The following EPM2A variants were observed in gnomAD, a reference collection of about 807,000 sequenced individuals.
The protein encoded by EPM2A is laforin.
In EPM2A, 21 loss-of-function variants were observed where a neutral mutation model predicts 26.5. The ratio of observed to expected loss-of-function variants is 0.79; its 90% CI spans 0.56 to 1.14. The LOEUF (loss-of-function observed/expected upper bound fraction) is 1.14. EPM2A is among the 50% of genes most tolerant of loss of function. The pLI is 0.00. For synonymous variants in EPM2A, 217 were observed against 177.6 expected, an observed-to-expected ratio of 1.22 and a Z score of -1.76; for missense variants, 458 against 440.8, an observed-to-expected ratio of 1.04 and a Z score of -0.35.
chr6:145,538,101 C>G (rs1780457989), intron 2 of EPM2A, among the ~76,000 whole-genome samples: 1 of 151,994 alleles, frequency 6.6e-6, no homozygotes. Flanking sequence ...GATTTATAAT[C>G]CTTTGGGTAT....
chr6:145,551,668 G>A (rs1203964981), intron 2 of EPM2A, among the ~76,000 whole-genome samples: 1 of 151,900 alleles, frequency 6.6e-6, no homozygotes, highest in African/African-American at 2.4e-5. Flanking sequence ...AGAAGAGACT[G>A]GCAGAAATAA....
At chr6:145,514,976 G>T (rs1357160254) in intron 2 of EPM2A, among the ~76,000 whole-genome samples, 1 of 152,138 alleles carries the variant, frequency 6.6e-6, no homozygotes, top group East Asian at 1.9e-4. Context: ...ACATTGCTGG[G>T]GAGCACTTGC....
At chr6:145,473,057 T>C (rs1044984268) in intron 4 of EPM2A, among the ~76,000 whole-genome samples, 5 of 151,550 alleles carry the variant, frequency 3.3e-5, no homozygotes, top group African/African-American at 1.2e-4. Context: ...ATGAACCAAA[T>C]AAGCACAAGG....
At chr6:145,610,022 C>G (rs1371369066) in intron 2 of EPM2A, among the ~76,000 whole-genome samples, 2 of 152,046 alleles carry the variant, frequency 1.3e-5, no homozygotes. Context: ...CAAGACCAGC[C>G]TGGCCAAGAT....
chr6:145,495,507 G>A (rs1779805654), intron 4 of EPM2A, among the ~76,000 whole-genome samples: 1 of 152,140 alleles, frequency 6.6e-6, no homozygotes, highest in African/African-American at 2.4e-5. Context: ...GTATTGTTAT[G>A]TGTGGATTTG....
At chr6:145,591,584 C>T (rs1314890281) in intron 2 of EPM2A, among the ~76,000 whole-genome samples, 5 of 152,110 alleles carry the variant, frequency 3.3e-5, no homozygotes, top group Non-Finnish European at 7.4e-5. Context: ...CAACTTAGAA[C>T]TCTACATTCA....
chr6:145,591,027 A>G (rs1156910752), intron 2 of EPM2A, among the ~76,000 whole-genome samples: 1 of 152,178 alleles, frequency 6.6e-6, no homozygotes, highest in African/African-American at 2.4e-5. Context: ...AAGCAGAGAG[A>G]TAAGAACTCT....
intron 2 of EPM2A, among the ~76,000 whole-genome samples, chr6:145,506,212 T>C (rs1779971833): frequency 6.6e-6 from 1 of 152,234 alleles, no homozygotes; most frequent in South Asian, 2.1e-4. Flanking sequence ...ATAATGTTTA[T>C]TTTTGTTTTT....
At chr6:145,653,189 A>T (rs1460856980) in intron 2 of EPM2A, among the ~76,000 whole-genome samples, 2 of 152,128 alleles carry the variant, frequency 1.3e-5, no homozygotes, top group African/African-American at 4.8e-5. Flanking sequence ...TGAAGGAGGG[A>T]CCTGTAATCC....
chr6:145,399,828 G>A (rs1334074540), intron 4 of EPM2A, among the ~76,000 whole-genome samples: 1 of 152,010 alleles, frequency 6.6e-6, no homozygotes, highest in African/African-American at 2.4e-5. Flanking sequence ...AACTACAGAC[G>A]CCCTCAATAA....
chr6:145,437,014 GA>G (rs1778997755), intron 4 of EPM2A, among the ~76,000 whole-genome samples: 1 of 151,954 alleles, frequency 6.6e-6, no homozygotes, highest in African/African-American at 2.4e-5. Context: ...CTTTTTTGCT[GA>G]AAAGACATTT....
chr6:145,686,051 T>A, intron 2 of EPM2A, 71 bp downstream of exon 2: 1 of 1,426,530 alleles, frequency 7.0e-7, no homozygotes, highest in Non-Finnish European at 9.9e-7. Flanking sequence ...TCGAACACAG[T>A]AAATATTTCC....
At chr6:145,610,345 A>G (rs1041306677) in intron 2 of EPM2A, among the ~76,000 whole-genome samples, 2 of 152,210 alleles carry the variant, frequency 1.3e-5, no homozygotes, top group Non-Finnish European at 1.5e-5. Context: ...TTGCTTCTTA[A>G]AAGAAGTCAA....
intron 1 of EPM2A, among the ~76,000 whole-genome samples, chr6:145,728,206 A>C (rs905084524): frequency 6.6e-6 from 1 of 152,214 alleles, no homozygotes; most frequent in African/African-American, 2.4e-5. Flanking sequence ...GCAAGAACTG[A>C]CTAATACAGA....
At chr6:145,548,207 G>A (rs1275627070) in intron 2 of EPM2A, among the ~76,000 whole-genome samples, 1 of 152,066 alleles carries the variant, frequency 6.6e-6, no homozygotes, top group Non-Finnish European at 1.5e-5. Flanking sequence ...CCACAAAGGC[G>A]CACTGACCTT....
At chr6:145,717,951 G>T (rs1288676071) in intron 1 of EPM2A, among the ~76,000 whole-genome samples, 1 of 151,570 alleles carries the variant, frequency 6.6e-6, no homozygotes, top group African/African-American at 2.4e-5. Flanking sequence ...ACAAACCACT[G>T]CTCAAGGAAA....
At chr6:145,491,230 G>A (rs1779750378) in intron 4 of EPM2A, 1 of 394,690 alleles carries the variant, frequency 2.5e-6, no homozygotes, top group South Asian at 2.1e-5. Flanking sequence ...GAACTGGTGT[G>A]CAGGGGCTGG....
chr6:145,489,698 G>T lies in EPM2A; in HGVS notation c.555+12824C>A. On this transcript the variant is annotated intron_variant, in intron 4 of 4. Coordinates refer to the EPM2A transcript ENST00000638717. ...TTTTCAGCTTCAGAATCCACTGTTGGCTTGCTCTCTAATCCTCAGCATCTT... is the reference window on the plus strand; with the variant it reads ...TTTTCAGCTTCAGAATCCACTGTTGTCTTGCTCTCTAATCCTCAGCATCTT... 1.1e-5 allele frequency: 16 copies of T among 1,410,234 alleles called. No individual in the cohort carries two copies. In the South Asian group the frequency reaches 1.9e-4, roughly 16 times the overall value. 87.4% of individuals were successfully genotyped at this position (1,410,234 alleles called of 1,614,324 possible).
chr6:145,673,421 G>T (rs913835240), intron 2 of EPM2A, among the ~76,000 whole-genome samples: 1 of 152,184 alleles, frequency 6.6e-6, no homozygotes, highest in Admixed American at 6.5e-5. Context: ...CACTGGGACT[G>T]GTTGGACAGT....
Sources: allele counts gnomAD v4.1 joint callset (sites outside exome capture counted in the v4.1 genomes callset), GRCh38; gene constraint gnomAD v4.1.1; transcripts MANE v1.5; gene names NCBI Gene and HGNC (gene_info 2026-07-23, HGNC 2026-07-21).